Variants in CEMIP2 observed in about 807,000 individuals in gnomAD.
The protein encoded by CEMIP2 is cell surface hyaluronidase CEMIP2.
In CEMIP2, 79 loss-of-function variants were observed where a neutral mutation model predicts 146.9. That is an observed-to-expected ratio of 0.54 (90% CI 0.45 to 0.65). CEMIP2 has a LOEUF of 0.65. Ranked by LOEUF, CEMIP2 falls within the 30% of genes least tolerant of loss-of-function variation. The pLI is 0.00. For missense variants in CEMIP2, 1,596 were observed against 1,696.2 expected (o/e 0.94, Z 1.04); for synonymous variants, 601 against 606.3 (o/e 0.99, Z 0.13).
chr9:71,724,225 C>T (rs1823320258), intron 11 of CEMIP2, among the ~76,000 whole-genome samples: 1 of 151,690 alleles, frequency 6.6e-6, no homozygotes, highest in African/African-American at 2.4e-5. Flanking sequence ...ACCCAGGAGG[C>T]AGAGGTGGCA....
At position 71,684,786 on chromosome 9, in the gene CEMIP2, C is replaced by G. The variant is rs1290493861; in HGVS notation, c.*411G>C. 2 of 157,244 alleles carry G rather than the reference C, an allele frequency of 1.3e-5. No homozygotes were observed. The highest frequency in any genetic ancestry group is 4.8e-5 in the African/African-American group (2 of 41,640). The allele number at this position is 157,244 out of a possible 1,614,324, so 9.7% of individuals were successfully genotyped here. On this transcript the variant is annotated 3_prime_UTR_variant, in exon 24 of 24. Coordinates refer to ENST00000377044, the MANE Select transcript of CEMIP2 (RefSeq NM_013390.3). Reference sequence around the variant, plus strand: ...GCCAGCCACCAAGTCAACTGCCACCCGACCCAACTGAGCATTAAACTTCAA... The same window carrying G: ...GCCAGCCACCAAGTCAACTGCCACCGGACCCAACTGAGCATTAAACTTCAA...
chr9:71,690,088 C>T lies in CEMIP2; in HGVS notation c.3851+4G>A. ...TTCCCTGTTACAGCACAAGCTTGAC[C>T]TACCTTGGAGGGATGCCTGTTTTTA... On this transcript the variant is annotated splice_donor_region_variant and intron_variant, in intron 22 of 23. Transcript: ENST00000377044. The T allele has an allele frequency of 6.2e-7, 1 of 1,613,646 alleles. No individual in the cohort carries two copies. Among genetic ancestry groups the T allele is most frequent in the African/African-American group, 1.3e-5 (1 of 75,044 alleles).
intron 18 of CEMIP2, among the ~76,000 whole-genome samples, chr9:71,702,400 G>A (rs974740901): frequency 2.6e-5 from 4 of 151,346 alleles, no homozygotes; most frequent in African/African-American, 7.3e-5. Flanking sequence ...AAAATGCGGG[G>A]GGGCGGGCAG....
intron 20 of CEMIP2, among the ~76,000 whole-genome samples, chr9:71,695,587 T>C (rs969746800): frequency 4.6e-5 from 7 of 152,000 alleles, no homozygotes; most frequent in Admixed American, 2.0e-4. Flanking sequence ...GGCAGGAGAA[T>C]TGCTTGAGCC....
chr9:71,728,193 T>TTCTCTCTCTCTC lies in CEMIP2; in HGVS notation c.2049+1640_2049+1651dup, dbSNP rs369654117. Reference sequence around the variant, plus strand: ...TCTGTCTGGTCAACACAGCGAAACCTTCTCTCTCTCTCTCTCTCTCTCTCT... The same window carrying TTCTCTCTCTCTC: ...TCTGTCTGGTCAACACAGCGAAACCTTCTCTCTCTCTCTCTCTCTCTCTCTCTCTCTCTCTCT... On this transcript the variant is annotated intron_variant, in intron 10 of 23. Transcript: ENST00000377044. Among the ~76,000 whole-genome samples, 39 of 29,606 alleles carry TTCTCTCTCTCTC rather than the reference T, an allele frequency of 1.3e-3. 2 individuals carry two copies. The highest frequency in any genetic ancestry group is 4.8e-3 in the African/African-American group (34 of 7,094). The allele number at this position is 29,606 out of a possible 152,430, so 19.4% of individuals were successfully genotyped here. A position where few individuals can be genotyped will look rare whatever the true frequency, so the allele number is the denominator to read the frequency against.
intron 12 of CEMIP2, among the ~76,000 whole-genome samples, chr9:71,721,851 T>C (rs550784340): frequency 3.3e-4 from 50 of 152,362 alleles, no homozygotes; most frequent in Middle Eastern, 3.4e-3. Flanking sequence ...ATATATAGCA[T>C]GTAAGAGAAC....
chr9:71,720,318 T>C (rs996186840), intron 12 of CEMIP2, among the ~76,000 whole-genome samples: 2 of 152,060 alleles, frequency 1.3e-5, no homozygotes, highest in Admixed American at 1.3e-4. Context: ...TGAGATGGAG[T>C]CTTGCCTTTT....
At position 71,718,012 on chromosome 9, in the gene CEMIP2, C is replaced by A; in HGVS notation, c.2335G>T (p.Ala779Ser). Residue 779 changes from alanine to serine, a missense_variant, in exon 13 of 24, where the codon GCT becomes TCT. By Grantham distance (99) the Ala-to-Ser change is moderately conservative. Coordinates refer to ENST00000377044, the MANE Select transcript of CEMIP2 (RefSeq NM_013390.3). ...GCTCCATTATCATTATTTTTAAAAG[C>A]AATGAGCCTGTCAATTAGAGCAGCA... ...RVAALIDRLI[A>S]FKNNDNGAWV... 1 of 1,613,098 alleles carries A rather than the reference C, an allele frequency of 6.2e-7. No individual in the cohort carries two copies. The highest frequency in any genetic ancestry group is 8.5e-7 in the Non-Finnish European group (1 of 1,179,502).
chr9:71,709,559 A>G (rs1822848195), intron 16 of CEMIP2, 85 bp from the exon 17 acceptor site: 2 of 1,124,850 alleles, frequency 1.8e-6, no homozygotes, highest in African/African-American at 1.5e-5. Context: ...CTGCAGGTCC[A>G]TTGTGATTGC....
chr9:71,685,120 T>C lies in CEMIP2; in HGVS notation c.*77A>G. The C allele has an allele frequency of 7.3e-7, 1 of 1,377,888 alleles. No individual in the cohort carries two copies. 85.4% of individuals were successfully genotyped at this position (1,377,888 alleles called of 1,614,324 possible). The stretch of plus-strand genomic sequence containing the variant: ...GAAAATGGTTCCGTTGGGTTAACAG[T>C]GTCATTTTAAAATGCCATAAATTAA... On this transcript the variant is annotated 3_prime_UTR_variant, in exon 24 of 24. Transcript: ENST00000377044.
chr9:71,759,286 T>A (rs998128982), intron 1 of CEMIP2, among the ~76,000 whole-genome samples: 1 of 152,028 alleles, frequency 6.6e-6, no homozygotes, highest in Non-Finnish European at 1.5e-5. Flanking sequence ...CACGTATCAC[T>A]CAGATTATCT....
chr9:71,741,720 C>A (rs1369585077), intron 4 of CEMIP2, among the ~76,000 whole-genome samples: 1 of 139,248 alleles, frequency 7.2e-6, no homozygotes, highest in Non-Finnish European at 1.5e-5. Flanking sequence ...CTCACCACAA[C>A]CTCCACCTCT....
At chr9:71,763,588 T>C (rs1047013416) in intron 1 of CEMIP2, among the ~76,000 whole-genome samples, 1 of 152,236 alleles carries the variant, frequency 6.6e-6, no homozygotes, top group Non-Finnish European at 1.5e-5. Context: ...ATAAAATTCT[T>C]ATCAAATATT....
chr9:71,740,571 A>G (rs527717894), intron 4 of CEMIP2, among the ~76,000 whole-genome samples: 1 of 152,356 alleles, frequency 6.6e-6, no homozygotes, highest in East Asian at 1.9e-4. Flanking sequence ...TAAAATGATT[A>G]TCACATGCTC....
intron 6 of CEMIP2, 67 bp downstream of exon 6, chr9:71,734,739 G>A: frequency 1.4e-6 from 2 of 1,443,618 alleles, no homozygotes; most frequent in Non-Finnish European, 1.9e-6. Context: ...AGAGGAAAAA[G>A]GATTTCAGGA....
At position 71,683,433 on chromosome 9, in the gene CEMIP2, C is replaced by T. The variant is rs1485183956; in HGVS notation, c.*1764G>A. On this transcript the variant is annotated 3_prime_UTR_variant, in exon 24 of 24. Coordinates refer to ENST00000377044, the MANE Select transcript of CEMIP2 (RefSeq NM_013390.3). ...TTATTAGTATATAAAACAGAAAAACCAAGTGCCTTGGTAATTTACATATCT... is the reference window on the plus strand; with the variant it reads ...TTATTAGTATATAAAACAGAAAAACTAAGTGCCTTGGTAATTTACATATCT... The T allele has an allele frequency of 1.3e-5, 2 of 151,324 alleles. No homozygotes were observed. Among genetic ancestry groups the T allele is most frequent in the East Asian group, 3.9e-4 (2 of 5,152 alleles). The allele number at this position is 151,324 out of a possible 1,614,324, so 9.4% of individuals were successfully genotyped here.
At chr9:71,694,186 G>C (rs1382817483) in intron 21 of CEMIP2, among the ~76,000 whole-genome samples, 1 of 151,842 alleles carries the variant, frequency 6.6e-6, no homozygotes, top group Non-Finnish European at 1.5e-5. Context: ...GCAGTGGCGC[G>C]ATCTCAGCTC....
intron 5 of CEMIP2, among the ~76,000 whole-genome samples, chr9:71,738,418 G>C (rs948535388): frequency 6.6e-6 from 1 of 152,126 alleles, no homozygotes; most frequent in African/African-American, 2.4e-5. Context: ...GGGAGCCTGA[G>C]GCAGGAGAAT....
intron 14 of CEMIP2, 131 bp from the exon 15 acceptor site, chr9:71,715,220 C>A: frequency 6.4e-5 from 41 of 644,576 alleles, no homozygotes; most frequent in Non-Finnish European, 8.3e-5. Context: ...TACACATTCA[C>A]AAGTCTTCAG....
Sources: allele counts gnomAD v4.1 joint callset (sites outside exome capture counted in the v4.1 genomes callset), GRCh38; gene constraint gnomAD v4.1.1; transcripts MANE v1.5; gene names NCBI Gene and HGNC (gene_info 2026-07-23, HGNC 2026-07-21).